Variants in ALG8 observed in about 807,000 individuals in gnomAD.
The protein encoded by ALG8 is dolichyl pyrophosphate Glc1Man9GlcNAc2 alpha-1,3-glucosyltransferase.
Under a neutral mutation model 70.2 loss-of-function variants are expected in ALG8, and 48 were observed. The ratio of observed to expected loss-of-function variants is 0.68; its 90% CI spans 0.54 to 0.87. The LOEUF (loss-of-function observed/expected upper bound fraction) is 0.87. Ranked by LOEUF, ALG8 falls within the 40% of genes least tolerant of loss-of-function variation. The pLI is 0.00. For missense variants in ALG8, 572 were observed against 608.7 expected (o/e 0.94, Z 0.64); for synonymous variants, 234 against 229.0 (o/e 1.02, Z -0.20).
In ALG8 at chr11:78,105,660, AAAG is replaced by A. The variant is rs542706781; in HGVS notation, c.1178+1144_1178+1146del. Among the ~76,000 whole-genome samples the A allele has an allele frequency of 9.8e-3, 1,486 of 151,312 alleles. 28 individuals carry two copies. The highest frequency in any genetic ancestry group is 0.034 in the African/African-American group (1,403 of 41,178). ...CTCTACCAAAAAGTAAAAAAAAAAA[AAAG>A]AAAGGAAAAAAAAGGGAATAATACC... On this transcript the variant is annotated intron_variant, in intron 10 of 12. Coordinates refer to ENST00000299626, the MANE Select transcript of ALG8 (RefSeq NM_024079.5).
intron 1 of ALG8, among the ~76,000 whole-genome samples, chr11:78,136,367 T>G (rs1489588704): frequency 2.7e-5 from 4 of 147,594 alleles, no homozygotes; most frequent in African/African-American, 1.0e-4. Flanking sequence ...AGACAGATAA[T>G]AGAGAGAGAA....
At chr11:78,115,177 C>T (rs889870059) in intron 5 of ALG8, among the ~76,000 whole-genome samples, 19 of 151,662 alleles carry the variant, frequency 1.3e-4, no homozygotes, top group African/African-American at 3.9e-4. Flanking sequence ...GGACTACAGG[C>T]GTGTGCCAAC....
chr11:78,132,165 T>C (rs1048802315), intron 1 of ALG8, among the ~76,000 whole-genome samples: 1 of 152,210 alleles, frequency 6.6e-6, no homozygotes, highest in African/African-American at 2.4e-5. Flanking sequence ...ATGTAGCCAG[T>C]ATGCAGCAGA....
rs1400379565 is a variant in ALG8, at chr11:78,104,344, G to C, written c.1276+12C>G. 6.4e-7 allele frequency: 1 copy of C among 1,565,472 alleles called. No homozygotes were observed. The highest frequency in any genetic ancestry group is 1.9e-5 in the Admixed American group (1 of 51,348). On this transcript the variant is annotated intron_variant, in intron 11 of 12. Transcript: ENST00000299626. ...ATAGTCAAATATATTTTTCTCAGAAGACGCTGTTTACCTGGTGCAGTGAAG... is the reference window on the plus strand; with the variant it reads ...ATAGTCAAATATATTTTTCTCAGAACACGCTGTTTACCTGGTGCAGTGAAG...
chr11:78,114,900 C>A (rs890809196), intron 5 of ALG8: 5 of 218,470 alleles, frequency 2.3e-5, no homozygotes, highest in African/African-American at 1.2e-4. Context: ...TGCTTTAGCC[C>A]AGGAGGTGGA....
chr11:78,113,713 AAAC>A (rs1860412398), intron 7 of ALG8, among the ~76,000 whole-genome samples, 170 bp downstream of exon 7: 1 of 19,100 alleles, frequency 5.2e-5, no homozygotes, highest in African/African-American at 7.5e-4. Flanking sequence ...ACTCCATCTT[AAAC>A]AAAAACAAAA....
At chr11:78,137,962 G>A (rs1045713406) in intron 1 of ALG8, among the ~76,000 whole-genome samples, 9 of 152,218 alleles carry the variant, frequency 5.9e-5, no homozygotes, top group African/African-American at 1.9e-4. Context: ...GTGCAATAAA[G>A]CAAAGTACAA....
chr11:78,114,885 G>C (rs1348394929), intron 5 of ALG8: 2 of 242,696 alleles, frequency 8.2e-6, no homozygotes, highest in Non-Finnish European at 1.7e-5. Flanking sequence ...TGAGGTGAGA[G>C]AATCTGCTTT....
intron 5 of ALG8, among the ~76,000 whole-genome samples, chr11:78,118,685 T>C (rs374671986): frequency 5.3e-5 from 8 of 150,914 alleles, no homozygotes; most frequent in African/African-American, 1.9e-4. Context: ...GGCTCATGCT[T>C]ATAATTCCAG....
In ALG8 at chr11:78,107,722, T is replaced by C. The variant is rs575746159; in HGVS notation, c.1039-776A>G. 170 of 230,072 alleles carry C rather than the reference T, an allele frequency of 7.4e-4. 1 individual carries two copies. Among genetic ancestry groups the C allele is most frequent in the Non-Finnish European group, 4.7e-4 (52 of 110,514 alleles). The allele number at this position is 230,072 out of a possible 1,614,324, so 14.3% of individuals were successfully genotyped here. ...CTGGGCGTGGTGGTACATACCTGTA[T>C]TCCCAGGTACTCTGGAGGCTGAGGC... On this transcript the variant is annotated intron_variant, in intron 9 of 12. Transcript: ENST00000299626.
At chr11:78,110,070 T>C (rs1860213548) in intron 8 of ALG8, among the ~76,000 whole-genome samples, 1 of 152,224 alleles carries the variant, frequency 6.6e-6, no homozygotes, top group Non-Finnish European at 1.5e-5. Flanking sequence ...TATACCACTC[T>C]CAACACCTGT....
chr11:78,104,140 C>T, intron 11 of ALG8, 88 bp from the exon 12 acceptor site: 1 of 920,126 alleles, frequency 1.1e-6, no homozygotes, highest in South Asian at 1.5e-5. Flanking sequence ...ACTGACACAG[C>T]TATATAGTGC....
chr11:78,107,928 C>G (rs1439845737), intron 9 of ALG8, among the ~76,000 whole-genome samples: 1 of 151,130 alleles, frequency 6.6e-6, no homozygotes, highest in South Asian at 2.1e-4. Flanking sequence ...AAGTCGATTA[C>G]GAGGTCAGGA....
At chr11:78,134,828 C>T (rs1861473454) in intron 1 of ALG8, among the ~76,000 whole-genome samples, 1 of 152,208 alleles carries the variant, frequency 6.6e-6, no homozygotes. Flanking sequence ...ATGACATCTG[C>T]AGTTACTTTT....
chr11:78,114,123 A>G, intron 6 of ALG8, 134 bp from the exon 7 acceptor site: 2 of 1,404,542 alleles, frequency 1.4e-6, no homozygotes, highest in East Asian at 2.5e-5. Flanking sequence ...GAGCAGAGAA[A>G]AGCGAGAATG....
At chr11:78,115,193 C>T (rs1402274212) in intron 5 of ALG8, among the ~76,000 whole-genome samples, 3 of 151,726 alleles carry the variant, frequency 2.0e-5, no homozygotes, top group Admixed American at 6.6e-5. Context: ...CCAACACACC[C>T]GGCTAATTTT....
chr11:78,114,074 A>T (rs1860445337), intron 6 of ALG8, 85 bp from the exon 7 acceptor site: 2 of 1,393,540 alleles, frequency 1.4e-6, no homozygotes, highest in Non-Finnish European at 1.0e-6. Context: ...AACTAGAAGT[A>T]TCCCACAATA....
At chr11:78,117,524 G>C (rs1444714735) in intron 5 of ALG8, among the ~76,000 whole-genome samples, 2 of 151,630 alleles carry the variant, frequency 1.3e-5, no homozygotes, top group Non-Finnish European at 2.9e-5. Context: ...TCTAATCCTA[G>C]CACTTTGGGA....
intron 8 of ALG8, chr11:78,112,241 T>C (rs536118498): frequency 4.7e-5 from 14 of 297,820 alleles, no homozygotes; most frequent in South Asian, 1.0e-4. Context: ...CTCAACACCA[T>C]TGCACTCCAT....
Sources: allele counts gnomAD v4.1 joint callset (sites outside exome capture counted in the v4.1 genomes callset), GRCh38; gene constraint gnomAD v4.1.1; transcripts MANE v1.5; gene names NCBI Gene and HGNC (gene_info 2026-07-23, HGNC 2026-07-21).